Variants in PPP2R2C observed in about 807,000 individuals in gnomAD.
The protein encoded by PPP2R2C is protein phosphatase 2, regulatory subunit B, gamma.
A neutral mutation model predicts 45.3 loss-of-function variants in PPP2R2C; 10 were observed. The observed-to-expected ratio is 0.22, with a 90% confidence interval of 0.14 to 0.37. PPP2R2C has a LOEUF of 0.37. Ranked by LOEUF, PPP2R2C falls within the 10% of genes least tolerant of loss-of-function variation. The pLI is 1.00. For missense variants in PPP2R2C, 308 were observed against 619.7 expected (o/e 0.50, Z 5.34); for synonymous variants, 257 against 245.4 (o/e 1.05, Z -0.44).
At chr4:6,426,720 C>G (rs754351819) in intron 1 of PPP2R2C, among the ~76,000 whole-genome samples, 2 of 152,128 alleles carry the variant, frequency 1.3e-5, no homozygotes, top group African/African-American at 4.8e-5. Flanking sequence ...GCCTGGGAAA[C>G]GCAGGCTGGA....
At chr4:6,448,001 G>T (rs953414310) in intron 1 of PPP2R2C, among the ~76,000 whole-genome samples, 1 of 152,142 alleles carries the variant, frequency 6.6e-6, no homozygotes, top group African/African-American at 2.4e-5. Flanking sequence ...TTTTCAGGAA[G>T]CATAGGAGGA....
At chr4:6,379,604 T>C (rs1166539801) in intron 2 of PPP2R2C, among the ~76,000 whole-genome samples, 2 of 152,228 alleles carry the variant, frequency 1.3e-5, no homozygotes, top group Non-Finnish European at 2.9e-5. Flanking sequence ...CCGATCTCTT[T>C]CTGCAGCTTG....
chr4:6,350,944 CT>C (rs1306662258), intron 5 of PPP2R2C: 2 of 985,282 alleles, frequency 2.0e-6, no homozygotes, highest in Non-Finnish European at 1.2e-6. Flanking sequence ...CGTGAGCCCC[CT>C]GACAGGTTCA....
chr4:6,360,779 C>T (rs1038429062), intron 5 of PPP2R2C, among the ~76,000 whole-genome samples: 3 of 152,344 alleles, frequency 2.0e-5, no homozygotes, highest in African/African-American at 4.8e-5. Context: ...ATGCTACAGA[C>T]CGAGTGGCTT....
At chr4:6,441,166 C>T (rs551865363) in intron 1 of PPP2R2C, among the ~76,000 whole-genome samples, 196 of 152,232 alleles carry the variant, frequency 1.3e-3, no homozygotes, top group African/African-American at 4.6e-3. Flanking sequence ...AAGCCGCCAA[C>T]AGGGAACCTC....
intron 1 of PPP2R2C, among the ~76,000 whole-genome samples, chr4:6,544,964 T>A (rs920650902): frequency 6.6e-6 from 1 of 152,256 alleles, no homozygotes; most frequent in Non-Finnish European, 1.5e-5. Flanking sequence ...AATTTTTTTT[T>A]ATAATTTCCT....
chr4:6,522,479 C>T (rs1724058552), intron 2 of PPP2R2C, among the ~76,000 whole-genome samples: 1 of 152,240 alleles, frequency 6.6e-6, no homozygotes, highest in South Asian at 2.1e-4. Context: ...TTCCCAAGCA[C>T]CTGCTTCCAG....
At chr4:6,360,171 C>T (rs868479881) in intron 5 of PPP2R2C, among the ~76,000 whole-genome samples, 17 of 152,308 alleles carry the variant, frequency 1.1e-4, no homozygotes, top group Middle Eastern at 6.8e-3. Context: ...AGAGGGAGGC[C>T]CAGGGTGGGC....
intron 1 of PPP2R2C, among the ~76,000 whole-genome samples, chr4:6,424,020 A>G (rs1467432702): frequency 2.0e-5 from 3 of 152,200 alleles, no homozygotes; most frequent in African/African-American, 7.2e-5. Flanking sequence ...CTGCCCATGC[A>G]TTCTGCCAGG....
chr4:6,546,286 C>T (rs1724980388), intron 1 of PPP2R2C, among the ~76,000 whole-genome samples: 1 of 152,176 alleles, frequency 6.6e-6, no homozygotes. Flanking sequence ...GACATCACAT[C>T]TCCTGACTTC....
At chr4:6,533,681 T>A in intron 2 of PPP2R2C, among the ~76,000 whole-genome samples, 1 of 152,324 alleles carries the variant, frequency 6.6e-6, no homozygotes, top group Non-Finnish European at 1.5e-5. Context: ...TCTGAAGATG[T>A]TGTTTGTGCC....
At chr4:6,562,962 C>CAAAAAAAAAAAAAAAAAAAAAAAAAA (rs746793663) in intron 1 of PPP2R2C, among the ~76,000 whole-genome samples, 3 of 83,262 alleles carry the variant, frequency 3.6e-5, no homozygotes, top group African/African-American at 9.2e-5. Context: ...CCCTGCCAGC[C>CAAAAAAAAAAAAAAAAAAAAAAAAAA]AAAAAAAAAA....
At chr4:6,543,216 C>T (rs919821268) in intron 1 of PPP2R2C, among the ~76,000 whole-genome samples, 5 of 152,214 alleles carry the variant, frequency 3.3e-5, no homozygotes, top group African/African-American at 1.2e-4. Flanking sequence ...CACAGTCAGC[C>T]ACAGCTGTCA....
chr4:6,411,365 T>C (rs947034135), intron 1 of PPP2R2C, among the ~76,000 whole-genome samples: 2 of 151,936 alleles, frequency 1.3e-5, no homozygotes, highest in Admixed American at 6.6e-5. Context: ...CTGGAGCTGA[T>C]GGCGTGACGC....
chr4:6,548,889 C>T (rs1384673571), intron 1 of PPP2R2C, among the ~76,000 whole-genome samples: 1 of 152,190 alleles, frequency 6.6e-6, no homozygotes, highest in Non-Finnish European at 1.5e-5. Flanking sequence ...CTCGCACCTC[C>T]TTCTGCCCAC....
intron 2 of PPP2R2C, among the ~76,000 whole-genome samples, chr4:6,509,011 A>C (rs941546556): frequency 6.6e-6 from 1 of 152,140 alleles, no homozygotes; most frequent in Non-Finnish European, 1.5e-5. Flanking sequence ...TCAGTCTCTC[A>C]CTCTGCCTTT....
intron 2 of PPP2R2C, among the ~76,000 whole-genome samples, chr4:6,525,173 G>T (rs1387896311): frequency 6.6e-6 from 1 of 152,226 alleles, no homozygotes; most frequent in African/African-American, 2.4e-5. Context: ...GGGAGGCCGA[G>T]ATGGTTGGAT....
chr4:6,540,001 C>T (rs1012948902), intron 1 of PPP2R2C, among the ~76,000 whole-genome samples: 2 of 152,200 alleles, frequency 1.3e-5, no homozygotes, highest in East Asian at 3.9e-4. Flanking sequence ...CCTACTCTGT[C>T]GCCTGGCTCC....
rs1214417537 is a variant in PPP2R2C, at chr4:6,323,439, C to T, written c.1207G>A (p.Asp403Asn). 3 of 1,613,514 alleles carry T rather than the reference C, an allele frequency of 1.9e-6. No homozygotes were observed. The highest frequency in any genetic ancestry group is 1.3e-5 in the African/African-American group (1 of 74,942). The change falls in exon 9 of 9, where the codon GAC becomes AAC. Residue 403 changes from aspartate to asparagine, a missense_variant. Coordinates refer to ENST00000382599, the MANE Select transcript of PPP2R2C (RefSeq NM_020416.4). ...VCVGGKRRRD[D>N]ISVDSLDFTK... The stretch of plus-strand genomic sequence containing the variant: ...AAGTCCAAGCTGTCCACACTGATGT[C>T]ATCACGCCGGCGCTTGCCCCCCACG...
Sources: gnomAD v4.1 joint callset for allele counts (sites outside exome capture counted in the v4.1 genomes callset) on GRCh38, gnomAD v4.1.1 for gene constraint, MANE v1.5 for transcripts, NCBI Gene and HGNC (gene_info 2026-07-23, HGNC 2026-07-21) for gene names.